The following WDR33 variants were observed in gnomAD, a reference collection of about 807,000 sequenced individuals.
WDR33 encodes the protein pre-mRNA 3' end processing protein WDR33.
Under a neutral mutation model 164.9 loss-of-function variants are expected in WDR33, and 47 were observed. The ratio of observed to expected loss-of-function variants is 0.29; its 90% CI spans 0.23 to 0.36. The LOEUF is 0.36. Among genes scored for constraint, WDR33 ranks in the 10% least tolerant of loss-of-function variants. The probability of loss-of-function intolerance (pLI) is 1.00; values close to 1 mark genes in which losing one functional copy is unlikely to be tolerated. For synonymous variants in WDR33, 505 were observed against 589.0 expected, an observed-to-expected ratio of 0.86 and a Z score of 2.06; for missense variants, 1,137 against 1,754.1, an observed-to-expected ratio of 0.65 and a Z score of 6.28.
chr2:127,764,512 T>G lies in WDR33; in HGVS notation c.626+316A>C. On this transcript the variant is annotated intron_variant, in intron 6 of 21. Transcript: ENST00000322313. This position sits in a 1 kb window ranked among gnomAD's most constrained non-coding sequence, Gnocchi z 6.2. The stretch of plus-strand genomic sequence containing the variant: ...CTTTATTTGGAATGAAATATTCTTG[T>G]CTTACACAGTAGATAATAAAAAGGA... 6.6e-7 allele frequency: 1 copy of G among 1,512,436 alleles called. No individual in the cohort carries two copies. Among genetic ancestry groups the G allele is most frequent in the South Asian group, 1.3e-5 (1 of 75,728 alleles). The allele number at this position is 1,512,436 out of a possible 1,614,324, so 93.7% of individuals were successfully genotyped here. A position where few individuals can be genotyped will look rare whatever the true frequency, so the allele number is the denominator to read the frequency against.
At position 127,721,811 on chromosome 2, in the gene WDR33, T is replaced by C. The variant is rs775548277; in HGVS notation, c.1671+25A>G. The stretch of plus-strand genomic sequence containing the variant: ...CACTACCCTCTTAGATCATCTTGAA[T>C]TCCCCCCTACAGAGCTTCACACACC... On this transcript the variant is annotated intron_variant, in intron 15 of 21. Coordinates refer to ENST00000322313, the MANE Select transcript of WDR33 (RefSeq NM_018383.5). The surrounding 1 kb of genome is among the most constrained non-coding windows in gnomAD (Gnocchi z 4.9). The C allele has an allele frequency of 1.3e-6, 2 of 1,585,712 alleles. No homozygotes were observed. The highest frequency in any genetic ancestry group is 2.2e-5 in the East Asian group (1 of 44,468).
chr2:127,768,334 C>G (rs1276904458), intron 3 of WDR33, 41 bp from the exon 4 acceptor site: 1 of 1,261,408 alleles, frequency 7.9e-7, no homozygotes, highest in African/African-American at 1.5e-5. Context: ...CTCCTGATTA[C>G]ATACAAGGCA....
At chr2:127,731,687 C>A (rs924676250) in intron 7 of WDR33, among the ~76,000 whole-genome samples, 1 of 151,986 alleles carries the variant, frequency 6.6e-6, no homozygotes, top group East Asian at 1.9e-4. Flanking sequence ...AAATAAGGAC[C>A]TTTTTGGGGG....
chr2:127,800,498 G>A (rs1336804756), intron 1 of WDR33, among the ~76,000 whole-genome samples: 4 of 151,926 alleles, frequency 2.6e-5, no homozygotes, highest in Admixed American at 6.6e-5. Flanking sequence ...TTAGCCAGGC[G>A]TGGTGGAGGG....
At chr2:127,746,870 T>G (rs892493340) in intron 7 of WDR33, among the ~76,000 whole-genome samples, 3 of 152,244 alleles carry the variant, frequency 2.0e-5, no homozygotes, top group Non-Finnish European at 2.9e-5. Context: ...GTTACCCTTC[T>G]TTTTATAGAA....
rs1686483541 is a variant in WDR33, at chr2:127,723,183, T to C, written c.1291+70A>G. ...AAATTAAAATTCATTTTGTATAATC[T>C]TCCCAACATCTAACACTTCTGTAAT... On this transcript the variant is annotated intron_variant, in intron 12 of 21. Transcript: ENST00000322313. This position sits in a 1 kb window ranked among gnomAD's most constrained non-coding sequence, Gnocchi z 5.9. 3 of 1,480,322 alleles carry C rather than the reference T, an allele frequency of 2.0e-6. No individual in the cohort carries two copies. Among genetic ancestry groups the C allele is most frequent in the African/African-American group, 2.8e-5 (2 of 70,864 alleles). 91.7% of individuals were successfully genotyped at this position (1,480,322 alleles called of 1,614,324 possible). A position where few individuals can be genotyped will look rare whatever the true frequency, so the allele number is the denominator to read the frequency against.
rs1686086174 is a variant in WDR33 at position 127,708,973 on chromosome 2, G to A, written c.3566-81C>T. On this transcript the variant is annotated intron_variant, in intron 20 of 21. Transcript: ENST00000322313. This position sits in a 1 kb window ranked among gnomAD's most constrained non-coding sequence, Gnocchi z 6.7. ...GGGAATGACACTGTGAGAGTAAGGA[G>A]CAACTCGAGAGCCACCGTTCACTCA... The A allele has an allele frequency of 7.2e-7, 1 of 1,385,896 alleles. No individual in the cohort carries two copies. Among genetic ancestry groups the A allele is most frequent in the Admixed American group, 3.0e-5 (1 of 33,558 alleles). 85.8% of individuals were successfully genotyped at this position (1,385,896 alleles called of 1,614,324 possible).
intron 1 of WDR33, among the ~76,000 whole-genome samples, chr2:127,775,198 T>A (rs569837845): frequency 2.8e-4 from 41 of 147,704 alleles, no homozygotes; most frequent in East Asian, 2.1e-3. Context: ...AAAAAAAAAA[T>A]TTTTTTTTGA....
chr2:127,791,489 T>C (rs1388074630), intron 1 of WDR33, among the ~76,000 whole-genome samples: 3 of 152,110 alleles, frequency 2.0e-5, no homozygotes, highest in East Asian at 1.9e-4. Flanking sequence ...GAGGGCTCTC[T>C]TTCTGGCTTG....
intron 7 of WDR33, among the ~76,000 whole-genome samples, chr2:127,750,749 TATATGTATACATAC>T (rs1687331513): frequency 7.7e-6 from 1 of 129,690 alleles, no homozygotes; most frequent in East Asian, 2.2e-4. Flanking sequence ...TGCATACATA[TATATGTATACATAC>T]ATATATATAC....
In WDR33 at chr2:127,770,692, AAAATAAATAAATAAATAAATAAAT is replaced by A. The variant is rs55641967; in HGVS notation, c.204+62_204+85del. ...GGCAACAAGAAAGAAACTCCATCTCAAAATAAATAAATAAATAAATAAATAAATAAATAAATAAATAAATAACCA... is the reference window on the plus strand; with the variant it reads ...GGCAACAAGAAAGAAACTCCATCTCAAAATAAATAAATAAATAAATAACCA... On this transcript the variant is annotated intron_variant, in intron 2 of 21. Coordinates refer to ENST00000322313, the MANE Select transcript of WDR33 (RefSeq NM_018383.5). The surrounding 1 kb of genome is among the most constrained non-coding windows in gnomAD (Gnocchi z 4.9). 260 of 589,518 alleles carry A rather than the reference AAAATAAATAAATAAATAAATAAAT, an allele frequency of 4.4e-4. 14 individuals are homozygous for A. The highest frequency in any genetic ancestry group is 7.0e-4 in the South Asian group (16 of 22,890). The allele number at this position is 589,518 out of a possible 1,614,324, so 36.5% of individuals were successfully genotyped here.
At chr2:127,790,279 C>T (rs75615436) in intron 1 of WDR33, among the ~76,000 whole-genome samples, 500 of 152,240 alleles carry the variant, frequency 3.3e-3, no homozygotes, top group Middle Eastern at 0.01. Context: ...CCTTGTATTC[C>T]CAGAATAAAC....
At chr2:127,749,574 A>C (rs567573340) in intron 7 of WDR33, among the ~76,000 whole-genome samples, 14 of 151,576 alleles carry the variant, frequency 9.2e-5, no homozygotes, top group African/African-American at 3.4e-4. Context: ...AGGCAGGAGA[A>C]TCACTTGAGC....
At chr2:127,766,407 A>G (rs951766766) in intron 4 of WDR33, among the ~76,000 whole-genome samples, 3 of 152,198 alleles carry the variant, frequency 2.0e-5, no homozygotes, top group African/African-American at 7.2e-5. Context: ...TTTGATTATC[A>G]GATTAAAAGC....
In WDR33 at chr2:127,701,960, G is replaced by A. The variant is rs753561245; in HGVS notation, c.*4363C>T. The A allele has an allele frequency of 1.1e-5, 16 of 1,397,264 alleles. No homozygotes were observed. Among genetic ancestry groups the A allele is most frequent in the South Asian group, 7.4e-5 (5 of 67,336 alleles). 86.6% of individuals were successfully genotyped at this position (1,397,264 alleles called of 1,614,324 possible). ...TGCGCTGCGAAGAAGCGCCGTCCCG[G>A]CCCGCGCTGCTCTACATGGCAGCGC... On this transcript the variant is annotated 3_prime_UTR_variant, in exon 22 of 22. Coordinates refer to ENST00000322313, the MANE Select transcript of WDR33 (RefSeq NM_018383.5).
chr2:127,808,466 C>T (rs1004678125), intron 1 of WDR33, among the ~76,000 whole-genome samples: 13 of 152,098 alleles, frequency 8.5e-5, no homozygotes, highest in Admixed American at 3.9e-4. Context: ...TCAGTCACTA[C>T]CAGAAAATTA....
chr2:127,701,170 A>AT lies in WDR33; in HGVS notation c.*5152dup, dbSNP rs1573867324. The AT allele has an allele frequency of 2.8e-5, 5 of 179,762 alleles. No homozygotes were observed. In the East Asian group the frequency reaches 7.2e-4, roughly 26 times the overall value. The allele number at this position is 179,762 out of a possible 1,614,324, so 11.1% of individuals were successfully genotyped here. A position where few individuals can be genotyped will look rare whatever the true frequency, so the allele number is the denominator to read the frequency against. On this transcript the variant is annotated 3_prime_UTR_variant, in exon 22 of 22. Coordinates refer to ENST00000322313, the MANE Select transcript of WDR33 (RefSeq NM_018383.5). ...CCGCCACGGTAGACGCAGTGAGGCC[A>AT]TAAGACATTTCCGTCAGCAAAAGGG...
chr2:127,717,193 G>T lies in WDR33; in HGVS notation c.2831C>A (p.Pro944His). 1 of 1,609,912 alleles carries T rather than the reference G, an allele frequency of 6.2e-7. No homozygotes were observed. The highest frequency in any genetic ancestry group is 1.3e-5 in the African/African-American group (1 of 74,974). Residue 944 changes from proline to histidine, a missense_variant, in exon 17 of 22, where the codon CCC becomes CAC. Physicochemically the swap from Pro to His is moderately conservative, Grantham distance 77 (BLOSUM62 -2). Coordinates refer to ENST00000322313, the MANE Select transcript of WDR33 (RefSeq NM_018383.5). This position sits in a 1 kb window ranked among gnomAD's most constrained non-coding sequence, Gnocchi z 5.6. Reference protein sequence around the residue: ...LGQQGAQGRIPPLNPGQGPGP... With the variant: ...LGQQGAQGRIHPLNPGQGPGP... ...AGGTCCTTGTCCGGGGTTCAGAGGG[G>T]GAATGCGACCTTGTGCTCCCTGCTG...
At chr2:127,739,876 C>A in intron 7 of WDR33, among the ~76,000 whole-genome samples, 1 of 152,184 alleles carries the variant, frequency 6.6e-6, no homozygotes, top group East Asian at 1.9e-4. Flanking sequence ...TTTTGTAAGA[C>A]TGCTAAATTT....
Sources: gnomAD v4.1 joint callset for allele counts (sites outside exome capture counted in the v4.1 genomes callset) on GRCh38, gnomAD v4.1.1 for gene constraint, Gnocchi (gnomAD v3.1) non-coding constraint, MANE v1.5 for transcripts, NCBI Gene and HGNC (gene_info 2026-07-23, HGNC 2026-07-21) for gene names.